BRAF: variants seen among roughly 807,000 people sequenced by gnomAD.
BRAF encodes the protein serine/threonine-protein kinase B-raf.
In BRAF, 16 loss-of-function variants were observed where a neutral mutation model predicts 104.6. The observed-to-expected ratio is 0.15, with a 90% CI of 0.10 to 0.23. The LOEUF is 0.23. Ranked by LOEUF, BRAF falls within the 10% of genes least tolerant of loss-of-function variation. The pLI is 1.00. For synonymous variants in BRAF, 310 were observed against 341.6 expected (o/e 0.91, Z 1.02); for missense variants, 541 against 937.3 (o/e 0.58, Z 5.52).
At chr7:140,732,102 C>T (rs1284073853) in intron 19 of BRAF, 6 of 124,848 alleles carry the variant, frequency 4.8e-5, no homozygotes, top group East Asian at 2.6e-4. Context: ...ACCCGGGAGG[C>T]GGAGCTTGCA....
chr7:140,903,718 G>T (rs1815947898), intron 1 of BRAF, among the ~76,000 whole-genome samples: 1 of 152,188 alleles, frequency 6.6e-6, no homozygotes, highest in African/African-American at 2.4e-5. Context: ...CTTTCTCGAT[G>T]CCATAAAGAA....
Position 140,779,355 on chromosome 7 carries a change from G to A in BRAF, c.1553-1280C>T, listed in dbSNP as rs141769442. ...GGGCTCAAGCCATTCTCCCACCTCA[G>A]CCTCCTCAATAGCTGGGAGTACAGG... is the stretch of plus-strand genomic sequence containing the variant. On this transcript the variant is annotated intron_variant, in intron 12 of 19. Coordinates refer to ENST00000644969, the MANE Select transcript of BRAF (RefSeq NM_001374258.1). Among the ~76,000 whole-genome samples, 22 of 152,210 alleles carry A rather than the reference G, an allele frequency of 1.4e-4. No individual in the cohort carries two copies. The East Asian group carries it at 4.3e-3, about 29-fold the overall frequency.
In BRAF at chr7:140,778,080, A is replaced by G. The variant is rs587780861; in HGVS notation, c.1553-5T>C. The stretch of plus-strand genomic sequence containing the variant: ...ACATTTTCACTGCCACATCACCTAA[A>G]AGGCAATTGTTACTCCAAGTGTCAT... On this transcript the variant is annotated splice_region_variant and splice_polypyrimidine_tract_variant and intron_variant, in intron 12 of 19. Transcript: ENST00000644969. 1.3e-5 allele frequency: 21 copies of G among 1,613,186 alleles called. No homozygotes were observed. In the Admixed American group the frequency reaches 3.5e-4, roughly 27 times the overall value.
chr7:140,835,675 C>A (rs76409933), intron 2 of BRAF: 5 of 152,074 alleles, frequency 3.3e-5, no homozygotes, highest in African/African-American at 1.2e-4. Context: ...CTAGAAGTTT[C>A]ATTTGATGAA....
Position 140,909,845 on chromosome 7 carries a change from C to CAAAAAA in BRAF, c.138+14715_138+14720dup, listed in dbSNP as rs200071347. On this transcript the variant is annotated intron_variant, in intron 1 of 19. Transcript: ENST00000644969. Reference sequence around the variant, plus strand: ...ACAACAACAACAACAACAACAACAACAAAAAAGTGCCTCATACACAAAATG... The same window carrying CAAAAAA: ...ACAACAACAACAACAACAACAACAACAAAAAAAAAAAAGTGCCTCATACACAAAATG... 1.2e-4 allele frequency among the ~76,000 whole-genome samples: 17 copies of CAAAAAA among 146,840 alleles called. 2 individuals carry two copies. Among genetic ancestry groups the CAAAAAA allele is most frequent in the Non-Finnish European group, 2.2e-4 (15 of 67,472 alleles).
intron 1 of BRAF, among the ~76,000 whole-genome samples, chr7:140,850,492 C>T (rs1411094059): frequency 6.6e-6 from 1 of 152,118 alleles, no homozygotes; most frequent in African/African-American, 2.4e-5. Flanking sequence ...CATTCCCAGG[C>T]CCCCTTTCAA....
intron 3 of BRAF, among the ~76,000 whole-genome samples, chr7:140,824,964 T>A (rs1321616633): frequency 1.3e-5 from 2 of 150,910 alleles, no homozygotes; most frequent in Non-Finnish European, 2.9e-5. Flanking sequence ...TTTAATTGGG[T>A]TGTTTTTTCT....
In BRAF at chr7:140,724,404, A is replaced by G. The variant is rs1475412892; in HGVS notation, c.*2090T>C. ...AAAGAAAAAACAGCCAATGCTTTTC[A>G]AGAGAGGCAGTATTATTGCACAGAA... On this transcript the variant is annotated 3_prime_UTR_variant, in exon 20 of 20. Transcript: ENST00000644969. 9.5e-7 allele frequency: 1 copy of G among 1,055,902 alleles called. No individual in the cohort carries two copies. The highest frequency in any genetic ancestry group is 1.1e-6 in the Non-Finnish European group (1 of 873,594). The allele number at this position is 1,055,902 out of a possible 1,614,324, so 65.4% of individuals were successfully genotyped here. A position where few individuals can be genotyped will look rare whatever the true frequency, so the allele number is the denominator to read the frequency against.
At chr7:140,889,695 C>A (rs1027915671) in intron 1 of BRAF, among the ~76,000 whole-genome samples, 5 of 152,194 alleles carry the variant, frequency 3.3e-5, no homozygotes, top group African/African-American at 1.2e-4. Context: ...AGGACTACCA[C>A]AGCCCAGGGT....
At chr7:140,883,903 G>C (rs770564936) in intron 1 of BRAF, among the ~76,000 whole-genome samples, 1 of 152,150 alleles carries the variant, frequency 6.6e-6, no homozygotes. Flanking sequence ...ATAATGGTAA[G>C]GTTTAGCAGG....
intron 14 of BRAF, among the ~76,000 whole-genome samples, chr7:140,775,552 TAGTCTTG>T (rs367999165): frequency 6.6e-4 from 100 of 151,920 alleles, no homozygotes; most frequent in Non-Finnish European, 6.9e-4. Context: ...TTGGTCAGGC[TAGTCTTG>T]AACTCCCGAC....
chr7:140,817,745 G>C (rs1294795573), intron 3 of BRAF, among the ~76,000 whole-genome samples: 2 of 152,066 alleles, frequency 1.3e-5, no homozygotes, highest in African/African-American at 2.4e-5. Context: ...CCACTTTCAG[G>C]TTTGTGACAC....
intron 1 of BRAF, among the ~76,000 whole-genome samples, chr7:140,906,087 C>CAAAAAAAAAAAAAAAAA (rs61150735): frequency 4.5e-5 from 2 of 44,712 alleles, no homozygotes; most frequent in South Asian, 1.0e-3. Context: ...GACTCCGTCT[C>CAAAAAAAAAAAAAAAAA]AAAAAAAAAA....
chr7:140,841,485 G>A (rs1807962078), intron 2 of BRAF, among the ~76,000 whole-genome samples: 1 of 152,156 alleles, frequency 6.6e-6, no homozygotes, highest in Non-Finnish European at 1.5e-5. Context: ...CATATAAGTA[G>A]CCCAAATGTT....
intron 5 of BRAF, among the ~76,000 whole-genome samples, chr7:140,803,459 A>G (rs1197374386): frequency 6.6e-6 from 1 of 152,230 alleles, no homozygotes; most frequent in African/African-American, 2.4e-5. Flanking sequence ...TAAAAATGTA[A>G]AAACAATTAT....
At chr7:140,888,214 G>T (rs765129714) in intron 1 of BRAF, among the ~76,000 whole-genome samples, 35 of 152,294 alleles carry the variant, frequency 2.3e-4, no homozygotes, top group Non-Finnish European at 4.0e-4. Context: ...CTTAGGGTTA[G>T]TATCAGAGAT....
At chr7:140,806,416 A>G (rs1212931043) in intron 5 of BRAF, among the ~76,000 whole-genome samples, 3 of 152,208 alleles carry the variant, frequency 2.0e-5, no homozygotes, top group Non-Finnish European at 2.9e-5. Flanking sequence ...GTATTGGCAA[A>G]TGGAAAGTTC....
At chr7:140,868,936 T>C (rs1022265095) in intron 1 of BRAF, among the ~76,000 whole-genome samples, 1 of 152,066 alleles carries the variant, frequency 6.6e-6, no homozygotes, top group Non-Finnish European at 1.5e-5. Context: ...AAATATATTA[T>C]AAAGGTACAG....
chr7:140,720,622 C>T lies in BRAF; in HGVS notation c.*5872G>A. 9.4e-7 allele frequency: 1 copy of T among 1,065,548 alleles called. No homozygotes were observed. Among genetic ancestry groups the T allele is most frequent in the Non-Finnish European group, 1.1e-6 (1 of 879,498 alleles). 66.0% of individuals were successfully genotyped at this position (1,065,548 alleles called of 1,614,324 possible). On this transcript the variant is annotated 3_prime_UTR_variant, in exon 20 of 20. Coordinates refer to ENST00000644969, the MANE Select transcript of BRAF (RefSeq NM_001374258.1). Reference sequence around the variant, plus strand: ...GATTTCAGGTAATTACAGTTTATTTCCCACCCTCACATTAATTTTTCCCTA... The same window carrying T: ...GATTTCAGGTAATTACAGTTTATTTTCCACCCTCACATTAATTTTTCCCTA...
Sources: gnomAD v4.1 joint callset for allele counts (sites outside exome capture counted in the v4.1 genomes callset) on GRCh38, gnomAD v4.1.1 for gene constraint, MANE v1.5 for transcripts, NCBI Gene and HGNC (gene_info 2026-07-23, HGNC 2026-07-21) for gene names.